The following TBC1D24 variants were observed in gnomAD, a reference collection of about 807,000 sequenced individuals.
The protein encoded by TBC1D24 is Infantile myoclonic epilepsy.
TBC1D24 carries 47 observed loss-of-function variants against 50.7 expected under a neutral mutation model. That is an observed-to-expected ratio of 0.93 (90% CI 0.73 to 1.18). The LOEUF (loss-of-function observed/expected upper bound fraction) is 1.18. Ranked by LOEUF, TBC1D24 falls within the 50% of genes most tolerant of loss-of-function variation. The pLI is 0.00. For synonymous variants in TBC1D24, 324 were observed against 335.2 expected (o/e 0.97, Z 0.36); for missense variants, 688 against 766.5 (o/e 0.90, Z 1.21).
In TBC1D24 at chr16:2,486,007, C is replaced by A. The variant is rs1052635569; in HGVS notation, c.-115-10027C>A. Among the ~76,000 whole-genome samples, 1 of 152,208 alleles carries A rather than the reference C, an allele frequency of 6.6e-6. No individual in the cohort carries two copies. Among genetic ancestry groups the A allele is most frequent in the Non-Finnish European group, 1.5e-5 (1 of 68,030 alleles). ...TCATCCCTGGATCTTGCGGATCTCG[C>A]GCCCGGGCTGGAATGCCTGTGCTGC... On this transcript the variant is annotated intron_variant, in intron 1 of 7. Transcript: ENST00000646147. This position sits in a 1 kb window ranked among gnomAD's most constrained non-coding sequence, Gnocchi z 5.8.
In TBC1D24 at chr16:2,501,068, G is replaced by GTCCT; in HGVS notation, c.*110_*111insTCCT. 2.1e-6 allele frequency: 3 copies of GTCCT among 1,416,952 alleles called. No individual in the cohort carries two copies. Among genetic ancestry groups the GTCCT allele is most frequent in the East Asian group, 2.4e-5 (1 of 41,838 alleles). 87.8% of individuals were successfully genotyped at this position (1,416,952 alleles called of 1,614,324 possible). Reference sequence around the variant, plus strand: ...CCCCCATGTGGTAGGCAGGGTTGGGGGACGGCAGGACCCCATGGCCAAGCC... The same window carrying GTCCT: ...CCCCCATGTGGTAGGCAGGGTTGGGGTCCTGACGGCAGGACCCCATGGCCAAGCC... On this transcript the variant is annotated 3_prime_UTR_variant, in exon 8 of 8. Transcript: ENST00000646147.
intron 1 of TBC1D24, chr16:2,477,927 G>A (rs1238476244): frequency 1.3e-5 from 2 of 152,294 alleles, no homozygotes; most frequent in East Asian, 3.8e-4. Flanking sequence ...CTTGGGAGAA[G>A]GGCAGTGGTG....
chr16:2,489,470 G>A (rs1192890828), intron 1 of TBC1D24, among the ~76,000 whole-genome samples: 3 of 152,086 alleles, frequency 2.0e-5, no homozygotes, highest in South Asian at 2.1e-4. Flanking sequence ...ATAAACGAGC[G>A]AACAAATGAA....
Position 2,499,247 on chromosome 16 carries a change from A to G in TBC1D24, c.1143-110A>G. 1.0e-6 allele frequency: 1 copy of G among 970,138 alleles called. No homozygotes were observed. Among genetic ancestry groups the G allele is most frequent in the South Asian group, 1.4e-5 (1 of 72,376 alleles). 60.1% of individuals were successfully genotyped at this position (970,138 alleles called of 1,614,324 possible). ...GTGTTGTCGGGACCCAGAGAGAAGG[A>G]AGCACAGTTCCCAGGTCTTCGCCCC... On this transcript the variant is annotated intron_variant, in intron 4 of 7. Coordinates refer to ENST00000646147, the MANE Select transcript of TBC1D24 (RefSeq NM_001199107.2). The surrounding 1 kb of genome is among the most constrained non-coding windows in gnomAD (Gnocchi z 4.0).
chr16:2,495,778 CA>C (rs962506943), intron 1 of TBC1D24, among the ~76,000 whole-genome samples: 19 of 143,582 alleles, frequency 1.3e-4, no homozygotes, highest in East Asian at 2.0e-4. Flanking sequence ...GACTCCATCT[CA>C]AAAAAAAAAA....
intron 1 of TBC1D24, among the ~76,000 whole-genome samples, chr16:2,492,522 A>C (rs1054374393): frequency 2.6e-5 from 4 of 152,080 alleles, no homozygotes; most frequent in Admixed American, 6.5e-5. Flanking sequence ...CTTTCACCCA[A>C]ACAGGATGGG....
At position 2,483,264 on chromosome 16, in the gene TBC1D24, G is replaced by T. The variant is rs1344357340; in HGVS notation, c.-116+8094G>T. 1 of 152,376 alleles carries T rather than the reference G, an allele frequency of 6.6e-6. No individual in the cohort carries two copies. Among genetic ancestry groups the T allele is most frequent in the Non-Finnish European group, 1.5e-5 (1 of 68,138 alleles). The allele number at this position is 152,376 out of a possible 1,614,324, so 9.4% of individuals were successfully genotyped here. A position where few individuals can be genotyped will look rare whatever the true frequency, so the allele number is the denominator to read the frequency against. On this transcript the variant is annotated intron_variant, in intron 1 of 7. Transcript: ENST00000646147. The surrounding 1 kb of genome is among the most constrained non-coding windows in gnomAD (Gnocchi z 4.0). ...CGAAGGATGCCAGGTGGCACCGGGG[G>T]CTGGGCCACTGGAAACCGCTGAGCA...
chr16:2,483,345 C>T lies in TBC1D24; in HGVS notation c.-116+8175C>T, dbSNP rs1387352014. The T allele has an allele frequency of 3.9e-5, 6 of 152,320 alleles. No homozygotes were observed. Among genetic ancestry groups the T allele is most frequent in the Admixed American group, 3.9e-4 (6 of 15,276 alleles). The allele number at this position is 152,320 out of a possible 1,614,324, so 9.4% of individuals were successfully genotyped here. On this transcript the variant is annotated intron_variant, in intron 1 of 7. Coordinates refer to ENST00000646147, the MANE Select transcript of TBC1D24 (RefSeq NM_001199107.2). The surrounding 1 kb of genome is among the most constrained non-coding windows in gnomAD (Gnocchi z 4.0). ...CGTTCTCGTGCCTCGGGCTCACTTC[C>T]TCGTGCAGTTTATCCATATGGCTGA...
At position 2,497,647 on chromosome 16, in the gene TBC1D24, C is replaced by G; in HGVS notation, c.966-63C>G. 2.7e-6 allele frequency: 4 copies of G among 1,504,290 alleles called. 1 individual carries two copies. In the South Asian group the frequency reaches 3.6e-5, roughly 14 times the overall value. 93.2% of individuals were successfully genotyped at this position (1,504,290 alleles called of 1,614,324 possible). On this transcript the variant is annotated intron_variant, in intron 2 of 7. Coordinates refer to ENST00000646147, the MANE Select transcript of TBC1D24 (RefSeq NM_001199107.2). Reference sequence around the variant, plus strand: ...GCCTGTCGGGGGATCGGTACTCACACTAACCTCTCTTTGTCTGTTTTATTT... The same window carrying G: ...GCCTGTCGGGGGATCGGTACTCACAGTAACCTCTCTTTGTCTGTTTTATTT...
At chr16:2,490,825 C>T (rs974646256) in intron 1 of TBC1D24, among the ~76,000 whole-genome samples, 1 of 152,240 alleles carries the variant, frequency 6.6e-6, no homozygotes, top group African/African-American at 2.4e-5. Context: ...GCCCCTGCCT[C>T]CCCTCTCACT....
chr16:2,499,534 C>T lies in TBC1D24; in HGVS notation c.1206+114C>T, dbSNP rs891346657. 1.0e-6 allele frequency: 1 copy of T among 965,120 alleles called. No homozygotes were observed. The highest frequency in any genetic ancestry group is 1.6e-6 in the Non-Finnish European group (1 of 617,918). The allele number at this position is 965,120 out of a possible 1,614,324, so 59.8% of individuals were successfully genotyped here. On this transcript the variant is annotated intron_variant, in intron 5 of 7. Coordinates refer to ENST00000646147, the MANE Select transcript of TBC1D24 (RefSeq NM_001199107.2). The surrounding 1 kb of genome is among the most constrained non-coding windows in gnomAD (Gnocchi z 4.0). ...GGGCCTAGGCCTCCTGGGCCAGATCCAGAGTCAGAGCGTGGGTATGGCCAG... is the reference window on the plus strand; with the variant it reads ...GGGCCTAGGCCTCCTGGGCCAGATCTAGAGTCAGAGCGTGGGTATGGCCAG...
At chr16:2,478,151 C>T (rs2065583243) in intron 1 of TBC1D24, 3 of 152,278 alleles carry the variant, frequency 2.0e-5, no homozygotes, top group African/African-American at 7.2e-5. Flanking sequence ...GACATCAGCA[C>T]AGAAAAGAGC....
In TBC1D24 at chr16:2,500,804, G is replaced by T. The variant is rs796053406; in HGVS notation, c.1526G>T (p.Gly509Val). Reference protein sequence around the residue: ...MAGGSDCLIVGGGGGQALYID... With the variant: ...MAGGSDCLIVVGGGGQALYID... ...CGCCACTGACCTGAGCATCCTGCAG[G>T]GGGAGGAGGCGGCCAGGCGCTCTAC... Residue 509 changes from glycine (G) to valine (V), a missense_variant and splice_region_variant, in exon 8 of 8, where the codon GGG becomes GTG. Physicochemically the swap from Gly to Val is moderately radical, Grantham distance 109. Transcript: ENST00000646147. The surrounding 1 kb of genome is among the most constrained non-coding windows in gnomAD (Gnocchi z 8.0). The T allele has an allele frequency of 3.1e-6, 5 of 1,603,666 alleles. No individual in the cohort carries two copies. Among genetic ancestry groups the T allele is most frequent in the African/African-American group, 1.3e-5 (1 of 75,040 alleles).
chr16:2,499,412 CAGA>C lies in TBC1D24; in HGVS notation c.1201_1203del (p.Lys401del). The C allele has an allele frequency of 1.2e-6, 2 of 1,613,570 alleles. No individual in the cohort carries two copies. Among genetic ancestry groups the C allele is most frequent in the Non-Finnish European group, 1.7e-6 (2 of 1,179,844 alleles). On this transcript the variant is annotated inframe_deletion, in exon 5 of 8. Coordinates refer to ENST00000646147, the MANE Select transcript of TBC1D24 (RefSeq NM_001199107.2). The surrounding 1 kb of genome is among the most constrained non-coding windows in gnomAD (Gnocchi z 4.0). ...TACCCTCTTGCTCATCAAGACCACG[CAGA>C]AGGAGGTGAGCAGGGGCCCTGGAGC...
Position 2,496,303 on chromosome 16 carries a change from GA to G in TBC1D24, c.158del (p.Lys53ArgfsTer6), listed in dbSNP as rs1567411095. 1 of 1,613,702 alleles carries G rather than the reference GA, an allele frequency of 6.2e-7. No homozygotes were observed. The highest frequency in any genetic ancestry group is 8.5e-7 in the Non-Finnish European group (1 of 1,180,036). The part of the protein sequence containing the change: ...GYWAQSHALR[G>X]KVYQRLIRDI... ...TGGGCCCAAAGCCACGCCCTGCGGG[GA>G]AAGGTGTACCAGCGCCTGATCCGGG... On this transcript the variant is annotated frameshift_variant, in exon 2 of 8. Coordinates refer to ENST00000646147, the MANE Select transcript of TBC1D24 (RefSeq NM_001199107.2). LOFTEE classifies it high-confidence loss of function.
chr16:2,496,146 G>T lies in TBC1D24; in HGVS notation c.-3G>T, dbSNP rs747461532. 6.2e-7 allele frequency: 1 copy of T among 1,613,776 alleles called. No homozygotes were observed. Among genetic ancestry groups the T allele is most frequent in the Admixed American group, 1.7e-5 (1 of 60,026 alleles). ...AGGGCCTCCTCCCGAGCACAGCGGC[G>T]CTATGGACTCTCCAGGATACAACTG... is the stretch of plus-strand genomic sequence containing the variant. On this transcript the variant is annotated 5_prime_UTR_variant, in exon 2 of 8. Coordinates refer to ENST00000646147, the MANE Select transcript of TBC1D24 (RefSeq NM_001199107.2).
rs963009412 is a variant in TBC1D24 at position 2,475,202 on chromosome 16, C to T, written c.-116+32C>T. The T allele has an allele frequency of 7.0e-6, 1 of 142,740 alleles. No individual in the cohort carries two copies. The highest frequency in any genetic ancestry group is 2.5e-5 in the African/African-American group (1 of 39,390). 8.8% of individuals were successfully genotyped at this position (142,740 alleles called of 1,614,324 possible). On this transcript the variant is annotated intron_variant, in intron 1 of 7. Transcript: ENST00000646147. The surrounding 1 kb of genome is among the most constrained non-coding windows in gnomAD (Gnocchi z 4.2). Reference sequence around the variant, plus strand: ...GCGCTCGGGGCGTGCGGGGGGCGCGCGGCGGGGTGGCGGGTGGCGGGGCCG... The same window carrying T: ...GCGCTCGGGGCGTGCGGGGGGCGCGTGGCGGGGTGGCGGGTGGCGGGGCCG...
At position 2,496,358 on chromosome 16, in the gene TBC1D24, C is replaced by T. The variant is rs373872223; in HGVS notation, c.210C>T (p.Asp70=). Residue 70 remains aspartate, a synonymous_variant, in exon 2 of 8, where the codon GAC becomes GAT. Transcript: ENST00000646147. The part of the protein sequence containing the change: ...RDIPCRTVTP[D]ASVYSDIVGK... ...TTCCCTGCCGCACGGTCACGCCTGA[C>T]GCCAGCGTGTACAGCGACATCGTGG... The T allele has an allele frequency of 4.3e-5, 70 of 1,613,472 alleles. No homozygotes were observed. The highest frequency in any genetic ancestry group is 1.6e-4 in the Middle Eastern group (1 of 6,062).
At chr16:2,488,109 G>A (rs2065665310) in intron 1 of TBC1D24, among the ~76,000 whole-genome samples, 2 of 152,222 alleles carry the variant, frequency 1.3e-5, no homozygotes, top group African/African-American at 4.8e-5. Flanking sequence ...AGCTCAGGGT[G>A]CCACACTCTT....
Sources: gnomAD v4.1 joint callset for allele counts (sites outside exome capture counted in the v4.1 genomes callset) on GRCh38, gnomAD v4.1.1 for gene constraint, Gnocchi (gnomAD v3.1) non-coding constraint, MANE v1.5 for transcripts, NCBI Gene and HGNC (gene_info 2026-07-23, HGNC 2026-07-21) for gene names.